Variants in DENND1A observed in about 807,000 individuals in gnomAD.
DENND1A encodes DENN domain containing 1A, also known as DENN domain-containing protein 1A.
Under a neutral mutation model 113.7 loss-of-function variants are expected in DENND1A, and 51 were observed. The observed-to-expected ratio is 0.45, with a 90% CI of 0.36 to 0.57. DENND1A has a LOEUF of 0.57. DENND1A is among the 20% of genes least tolerant of loss of function. The pLI, the probability that DENND1A is intolerant of heterozygous loss-of-function variation, is 0.00. For synonymous variants in DENND1A, 565 were observed against 570.8 expected (o/e 0.99, Z 0.14); for missense variants, 1,258 against 1,395.9 (o/e 0.90, Z 1.57).
intron 18 of DENND1A, among the ~76,000 whole-genome samples, chr9:123,443,427 G>A (rs2047074346): frequency 6.6e-6 from 1 of 152,206 alleles, no homozygotes; most frequent in African/African-American, 2.4e-5. Flanking sequence ...TTGTAAAGTG[G>A]AGTTAAACAT....
At chr9:123,802,972 G>A (rs1250556335) in intron 2 of DENND1A, among the ~76,000 whole-genome samples, 1 of 152,176 alleles carries the variant, frequency 6.6e-6, no homozygotes, top group African/African-American at 2.4e-5. Flanking sequence ...AAAGTGCTGG[G>A]ATTATAGGCG....
At chr9:123,521,953 CCA>C (rs1308742241) in intron 13 of DENND1A, among the ~76,000 whole-genome samples, 2 of 152,188 alleles carry the variant, frequency 1.3e-5, no homozygotes, top group Non-Finnish European at 2.9e-5. Context: ...AGGAGGGACA[CCA>C]CCCATGCCGG....
chr9:123,810,182 T>C (rs1836311788), intron 2 of DENND1A, among the ~76,000 whole-genome samples: 1 of 152,152 alleles, frequency 6.6e-6, no homozygotes, highest in Non-Finnish European at 1.5e-5. Flanking sequence ...AGATCTCTCC[T>C]CCTCAATTTG....
chr9:123,448,540 G>A (rs940155213), intron 18 of DENND1A, among the ~76,000 whole-genome samples: 3 of 152,100 alleles, frequency 2.0e-5, no homozygotes, highest in Non-Finnish European at 2.9e-5. Context: ...AAAACTCTCC[G>A]CTCCCTGCCA....
chr9:123,925,359 T>C (rs923372967), intron 1 of DENND1A, among the ~76,000 whole-genome samples: 2 of 152,152 alleles, frequency 1.3e-5, no homozygotes, highest in African/African-American at 4.8e-5. Flanking sequence ...AAGGCTTCCT[T>C]TCCTGACCCT....
chr9:123,899,669 C>A (rs999213747), intron 1 of DENND1A, among the ~76,000 whole-genome samples: 1 of 152,088 alleles, frequency 6.6e-6, no homozygotes, highest in Non-Finnish European at 1.5e-5. Context: ...CTTTTAGGTA[C>A]TTCATCACCT....
intron 13 of DENND1A, among the ~76,000 whole-genome samples, chr9:123,495,612 T>A (rs544388524): frequency 6.6e-6 from 1 of 152,340 alleles, no homozygotes; most frequent in South Asian, 2.1e-4. Context: ...CCGATCAATA[T>A]GAAGCAAGTG....
intron 2 of DENND1A, among the ~76,000 whole-genome samples, chr9:123,856,972 G>A (rs976639642): frequency 2.6e-5 from 4 of 151,846 alleles, no homozygotes; most frequent in Non-Finnish European, 2.9e-5. Context: ...GGTTGAAATC[G>A]GAAGTACTGG....
chr9:123,432,678 C>G (rs1417682937), intron 19 of DENND1A, among the ~76,000 whole-genome samples: 1 of 152,176 alleles, frequency 6.6e-6, no homozygotes, highest in Admixed American at 6.5e-5. Context: ...CAGGGTATAC[C>G]GCCTCATGGA....
At chr9:123,589,647 G>GAAAA (rs58211177) in intron 11 of DENND1A, among the ~76,000 whole-genome samples, 3 of 35,430 alleles carry the variant, frequency 8.5e-5, no homozygotes, top group Non-Finnish European at 1.9e-4. Flanking sequence ...TTCTCAGAAT[G>GAAAA]AAAAAAAAAA....
Position 123,695,062 on chromosome 9 carries a change from C to T in DENND1A, c.303-18273G>A, listed in dbSNP as rs570843406. On this transcript the variant is annotated intron_variant, in intron 5 of 23. Transcript: ENST00000394215. ...GCCTAGCCTCCCAGCCTACAACTTA[C>T]TCTCATGCTGGATTGTTTCCTGGCC... Among the ~76,000 whole-genome samples, 5 of 152,256 alleles carry T rather than the reference C, an allele frequency of 3.3e-5. No individual in the cohort carries two copies. The South Asian group carries it at 8.3e-4, about 25-fold the overall frequency.
chr9:123,797,849 T>G (rs1834009909), intron 2 of DENND1A, among the ~76,000 whole-genome samples: 1 of 152,114 alleles, frequency 6.6e-6, no homozygotes, highest in Non-Finnish European at 1.5e-5. Context: ...TCCTTTTGAA[T>G]TTTTTTAATT....
chr9:123,672,014 T>C (rs1030558721), intron 6 of DENND1A, among the ~76,000 whole-genome samples: 2 of 152,228 alleles, frequency 1.3e-5, no homozygotes, highest in African/African-American at 4.8e-5. Context: ...TCTCCCACCA[T>C]GTGGAATTCT....
intron 1 of DENND1A, among the ~76,000 whole-genome samples, chr9:123,924,519 C>T (rs938578030): frequency 4.0e-5 from 6 of 151,870 alleles, no homozygotes; most frequent in South Asian, 2.1e-4. Flanking sequence ...GGCATGGTGG[C>T]GGGCACCTGC....
chr9:123,464,054 G>A (rs1027638471), intron 13 of DENND1A, among the ~76,000 whole-genome samples: 13 of 152,064 alleles, frequency 8.5e-5, no homozygotes, highest in Non-Finnish European at 1.8e-4. Flanking sequence ...TGTACATCTT[G>A]CACATGTACC....
At chr9:123,646,538 G>C (rs1410321021) in intron 9 of DENND1A, among the ~76,000 whole-genome samples, 2 of 152,040 alleles carry the variant, frequency 1.3e-5, no homozygotes, top group Non-Finnish European at 2.9e-5. Flanking sequence ...TAATTTCCTT[G>C]AAGGAAACCA....
chr9:123,534,711 CTTGA>C (rs1466204992), intron 13 of DENND1A, among the ~76,000 whole-genome samples: 3 of 152,162 alleles, frequency 2.0e-5, no homozygotes, highest in African/African-American at 4.8e-5. Flanking sequence ...GTCTTGTTTC[CTTGA>C]TTATCAGTTG....
intron 2 of DENND1A, among the ~76,000 whole-genome samples, chr9:123,858,736 G>A (rs73571775): frequency 0.066 from 10,111 of 152,216 alleles, 462 homozygotes; most frequent in African/African-American, 0.13. Flanking sequence ...TGATCAGTCT[G>A]TAGGCAATAG....
intron 19 of DENND1A, among the ~76,000 whole-genome samples, chr9:123,416,545 C>G (rs546619446): frequency 1.6e-4 from 25 of 152,322 alleles, no homozygotes; most frequent in African/African-American, 5.8e-4. Flanking sequence ...GTCCCCTGGC[C>G]GGGTTGAAAT....
Sources: allele counts gnomAD v4.1 joint callset (sites outside exome capture counted in the v4.1 genomes callset), GRCh38; gene constraint gnomAD v4.1.1; transcripts MANE v1.5; gene names NCBI Gene and HGNC (gene_info 2026-07-23, HGNC 2026-07-21).